Variants in ZNF540 observed in about 807,000 individuals in gnomAD.
The protein encoded by ZNF540 is zinc finger protein 540.
ZNF540 carries 3 observed loss-of-function variants against 11.8 expected under a neutral mutation model. The observed-to-expected ratio is 0.25, with a 90% CI of 0.12 to 0.65. The LOEUF is 0.65. Ranked by LOEUF, ZNF540 falls within the 30% of genes least tolerant of loss-of-function variation. The pLI, the probability that ZNF540 is intolerant of heterozygous loss-of-function variation, is 0.83. For synonymous variants in ZNF540, 247 were observed against 259.0 expected (o/e 0.95, Z 0.45); for missense variants, 709 against 793.1 (o/e 0.89, Z 1.27).
chr19:37,586,829 C>A (rs762122132), intron 1 of ZNF540: 4 of 798,198 alleles, frequency 5.0e-6, no homozygotes, highest in Non-Finnish European at 8.1e-6. Flanking sequence ...TACTTCTCCT[C>A]TTTTGGGAAT....
At position 37,586,756 on chromosome 19, in the gene ZNF540, A is replaced by T. The variant is rs1418635240; in HGVS notation, c.-72-11620A>T. On this transcript the variant is annotated intron_variant, in intron 1 of 4. Coordinates refer to the ZNF540 transcript ENST00000592533. ...CCAGAGAAGCCAGTGCTGGACAAGG[A>T]AAAGAAGCCACAAGATTAGACTTGG... is the stretch of plus-strand genomic sequence containing the variant. 3 of 1,484,640 alleles carry T rather than the reference A, an allele frequency of 2.0e-6. No individual in the cohort carries two copies. In the African/African-American group the frequency reaches 4.2e-5, roughly 21 times the overall value. The allele number at this position is 1,484,640 out of a possible 1,614,324, so 92.0% of individuals were successfully genotyped here. A position where few individuals can be genotyped will look rare whatever the true frequency, so the allele number is the denominator to read the frequency against.
chr19:37,607,477 C>G (rs2044094090), intron 4 of ZNF540, among the ~76,000 whole-genome samples: 1 of 152,152 alleles, frequency 6.6e-6, no homozygotes, highest in South Asian at 2.1e-4. Flanking sequence ...CTAGTCATCC[C>G]TCTCTCCACC....
intron 1 of ZNF540, chr19:37,555,537 C>T (rs955043644): frequency 1.8e-5 from 4 of 221,494 alleles, no homozygotes; most frequent in South Asian, 1.6e-4. Context: ...GCTTTGATAC[C>T]AGGGGATGTT....
chr19:37,562,423 A>G (rs1220584103), intron 1 of ZNF540: 1 of 152,166 alleles, frequency 6.6e-6, no homozygotes, highest in Admixed American at 6.5e-5. Context: ...TTAGAAGACA[A>G]GAGATAACAC....
rs746114598 is a variant in ZNF540 at position 37,553,113 on chromosome 19, C to CT, written c.-73+1486dup. ...AATCTTTTTTTATATAACCTAACAT[C>CT]TTTTTTTTTTTTTTTTTTTTTTTTT... On this transcript the variant is annotated intron_variant, in intron 1 of 4. Coordinates refer to the ZNF540 transcript ENST00000592533. Among the ~76,000 whole-genome samples, 45 of 33,098 alleles carry CT rather than the reference C, an allele frequency of 1.4e-3. 18 individuals are homozygous for CT. Among genetic ancestry groups the CT allele is most frequent in the Non-Finnish European group, 1.9e-3 (35 of 18,168 alleles). 21.7% of individuals were successfully genotyped at this position (33,098 alleles called of 152,430 possible). A position where few individuals can be genotyped will look rare whatever the true frequency, so the allele number is the denominator to read the frequency against.
intron 1 of ZNF540, chr19:37,565,232 G>C (rs116064131): frequency 1.2e-6 from 2 of 1,613,188 alleles, no homozygotes; most frequent in Non-Finnish European, 1.7e-6. Context: ...AGAAATAAAG[G>C]CTTTCCCACA....
At chr19:37,586,589 G>A (rs1056021242) in intron 1 of ZNF540, 1 of 1,564,270 alleles carries the variant, frequency 6.4e-7, no homozygotes. Flanking sequence ...AACAAGGCAG[G>A]AAATTCTGGG....
At chr19:37,570,396 C>G (rs1203842290) in intron 1 of ZNF540, among the ~76,000 whole-genome samples, 3 of 152,168 alleles carry the variant, frequency 2.0e-5, no homozygotes, top group Non-Finnish European at 4.4e-5. Context: ...TCCTTCATGT[C>G]TTTCCCTCCA....
chr19:37,582,844 C>A (rs905541891), intron 1 of ZNF540, among the ~76,000 whole-genome samples: 3 of 152,202 alleles, frequency 2.0e-5, no homozygotes, highest in African/African-American at 7.2e-5. Flanking sequence ...AACTAGTCCT[C>A]TCATTAGTCT....
intron 1 of ZNF540, among the ~76,000 whole-genome samples, chr19:37,583,327 ATAAAAGCATTGTCCC>A (rs1038246330): frequency 6.6e-6 from 1 of 152,258 alleles, no homozygotes; most frequent in Admixed American, 6.5e-5. Flanking sequence ...CAAAAAATAG[ATAAAAGCATTGTCCC>A]CAAAAGAGAT....
At chr19:37,609,819 T>G (rs2044114515) in intron 4 of ZNF540, among the ~76,000 whole-genome samples, 2 of 151,464 alleles carry the variant, frequency 1.3e-5, no homozygotes, top group Non-Finnish European at 2.9e-5. Flanking sequence ...CTGCACTCCA[T>G]CCTGGGTGAC....
chr19:37,568,581 T>C (rs1291733127), intron 1 of ZNF540, among the ~76,000 whole-genome samples: 1 of 152,146 alleles, frequency 6.6e-6, no homozygotes, highest in Non-Finnish European at 1.5e-5. Context: ...CTAATATGAT[T>C]CTGGGGTAGG....
At chr19:37,609,704 T>C (rs1324319634) in intron 4 of ZNF540, among the ~76,000 whole-genome samples, 2 of 150,426 alleles carry the variant, frequency 1.3e-5, no homozygotes, top group Admixed American at 6.7e-5. Context: ...AAAAATTAGC[T>C]GGGTTTGGTG....
At chr19:37,597,637 G>A (rs887561423) in intron 1 of ZNF540, 3 of 152,318 alleles carry the variant, frequency 2.0e-5, no homozygotes, top group Non-Finnish European at 4.4e-5. Flanking sequence ...ATGTTGGTCA[G>A]GCTGGTCTTG....
intron 1 of ZNF540, chr19:37,564,963 G>C: frequency 6.2e-7 from 1 of 1,613,796 alleles, no homozygotes; most frequent in East Asian, 2.2e-5. Flanking sequence ...TGATATGTAA[G>C]TTGTGTAGCA....
chr19:37,559,600 A>C (rs1178792707), intron 1 of ZNF540, among the ~76,000 whole-genome samples: 1 of 152,192 alleles, frequency 6.6e-6, no homozygotes, highest in Non-Finnish European at 1.5e-5. Flanking sequence ...TTAAATCTGG[A>C]CTCAAACCAA....
At chr19:37,592,871 A>C (rs2043907609), upstream of ZNF540, among the ~76,000 whole-genome samples, 2 of 152,170 alleles carry the variant, frequency 1.3e-5, no homozygotes, top group Admixed American at 1.3e-4. Flanking sequence ...TTTTTCTACA[A>C]ATCAACAGCA....
At position 37,601,055 on chromosome 19, in the gene ZNF540, G is replaced by T. The variant is rs1243322434; in HGVS notation, c.182G>T (p.Gly61Val). 1.9e-6 allele frequency: 3 copies of T among 1,592,854 alleles called. No individual in the cohort carries two copies. In the South Asian group the frequency reaches 3.4e-5, roughly 18 times the overall value. Residue 61 changes from glycine to valine, a missense_variant, in exon 4 of 5, where the codon GGG becomes GTG. Coordinates refer to ENST00000316433, the MANE Select transcript of ZNF540 (RefSeq NM_001172225.3). ...KPDVITLLEQ[G>V]KEPCVVARDV... Reference sequence around the variant, plus strand: ...GATGTGATTACCTTACTGGAGCAAGGGAAAGAGCCCTGCGTGGTGGCGAGG... The same window carrying T: ...GATGTGATTACCTTACTGGAGCAAGTGAAAGAGCCCTGCGTGGTGGCGAGG...
chr19:37,580,089 C>T (rs896182534), intron 1 of ZNF540, among the ~76,000 whole-genome samples: 2 of 152,200 alleles, frequency 1.3e-5, no homozygotes, highest in African/African-American at 4.8e-5. Context: ...ATGTATTTTA[C>T]ACTAGCTACT....
Sources: gnomAD v4.1 joint callset for allele counts (sites outside exome capture counted in the v4.1 genomes callset) on GRCh38, gnomAD v4.1.1 for gene constraint, MANE v1.5 for transcripts, NCBI Gene and HGNC (gene_info 2026-07-23, HGNC 2026-07-21) for gene names.